Variants in GIGYF2 observed in about 807,000 individuals in gnomAD.
GIGYF2 encodes the protein GRB10 interacting GYF protein 2.
A neutral mutation model predicts 208.1 loss-of-function variants in GIGYF2; 25 were observed. The observed-to-expected ratio is 0.12, with a 90% CI of 0.09 to 0.17. The LOEUF (loss-of-function observed/expected upper bound fraction) is 0.17. GIGYF2 is among the 10% of genes least tolerant of loss of function. The probability of loss-of-function intolerance (pLI) is 1.00; values close to 1 mark genes in which losing one functional copy is unlikely to be tolerated. For synonymous variants in GIGYF2, 534 were observed against 543.8 expected (o/e 0.98, Z 0.25); for missense variants, 1,302 against 1,579.4 (o/e 0.82, Z 2.98).
At chr2:232,811,935 G>A (rs750471697) in intron 17 of GIGYF2, among the ~76,000 whole-genome samples, 5 of 152,132 alleles carry the variant, frequency 3.3e-5, no homozygotes, top group Non-Finnish European at 7.4e-5. Flanking sequence ...TAGGTGGTAG[G>A]AGCTCCATTT....
intron 14 of GIGYF2, among the ~76,000 whole-genome samples, chr2:232,800,136 G>A (rs1222588202): frequency 6.6e-6 from 1 of 150,424 alleles, no homozygotes; most frequent in East Asian, 1.9e-4. Flanking sequence ...TTTTCAAGAA[G>A]TCCAATTTGT....
In GIGYF2 at chr2:232,803,832, C is replaced by T. The variant is rs1469869773; in HGVS notation, c.1640-2659C>T. On this transcript the variant is annotated intron_variant, in intron 14 of 28. Coordinates refer to ENST00000373563, the MANE Select transcript of GIGYF2 (RefSeq NM_001103146.3). ...CCTCCCGAGTAGCTGGGACTACAGG[C>T]GCCCGCCACCGCGCCCGGCTAATTT... Among the ~76,000 whole-genome samples, 2 of 65,636 alleles carry T rather than the reference C, an allele frequency of 3.0e-5. 1 individual carries two copies. The highest frequency in any genetic ancestry group is 2.7e-4 in the Admixed American group (2 of 7,296). The allele number at this position is 65,636 out of a possible 152,430, so 43.1% of individuals were successfully genotyped here.
rs779274167 is a variant in GIGYF2 at position 232,812,529 on chromosome 2, A to T, written c.2107+38A>T. On this transcript the variant is annotated intron_variant, in intron 18 of 28. Coordinates refer to ENST00000373563, the MANE Select transcript of GIGYF2 (RefSeq NM_001103146.3). ...ATTAACCTTTAGTACCACTCTGAGG[A>T]TTCAGAGTCTAATAATAATTTTACA... 3 of 791,766 alleles carry T rather than the reference A, an allele frequency of 3.8e-6. No individual in the cohort carries two copies. The African/African-American group carries it at 5.1e-5, about 13-fold the overall frequency. The allele number at this position is 791,766 out of a possible 1,614,324, so 49.0% of individuals were successfully genotyped here. A position where few individuals can be genotyped will look rare whatever the true frequency, so the allele number is the denominator to read the frequency against.
chr2:232,703,190 C>G (rs531917756), intron 1 of GIGYF2, among the ~76,000 whole-genome samples: 2 of 152,292 alleles, frequency 1.3e-5, no homozygotes, highest in Non-Finnish European at 2.9e-5. Flanking sequence ...TTGACAGCTT[C>G]ATAAGAATCA....
chr2:232,771,790 T>TA (rs1273734362), intron 8 of GIGYF2, among the ~76,000 whole-genome samples: 1 of 152,180 alleles, frequency 6.6e-6, no homozygotes, highest in Non-Finnish European at 1.5e-5. Context: ...TATTCATAAT[T>TA]AAAAGGGGTA....
At position 232,768,410 on chromosome 2, in the gene GIGYF2, G is replaced by A. The variant is rs1231316689; in HGVS notation, c.532+6974G>A. 8 of 1,614,062 alleles carry A rather than the reference G, an allele frequency of 5.0e-6. No homozygotes were observed. In the East Asian group the frequency reaches 1.8e-4, roughly 36 times the overall value. On this transcript the variant is annotated intron_variant, in intron 8 of 28. Coordinates refer to ENST00000373563, the MANE Select transcript of GIGYF2 (RefSeq NM_001103146.3). ...GATGTAACATGATTTCAGACGGTAG[G>A]TAGGATGTCCTCCTTTGGCATATTT...
chr2:232,834,153 C>G (rs986127543), intron 22 of GIGYF2, among the ~76,000 whole-genome samples: 2 of 152,114 alleles, frequency 1.3e-5, no homozygotes, highest in Non-Finnish European at 2.9e-5. Context: ...TTCTGCATAA[C>G]TTCATGCTGG....
Position 232,762,143 on chromosome 2 carries a change from T to C in GIGYF2, c.532+707T>C, listed in dbSNP as rs1335674903. On this transcript the variant is annotated intron_variant, in intron 8 of 28. Transcript: ENST00000373563. ...TTCATGGTACCATGAATTGGTACTA[T>C]GAAAATTATTACAAGTTCCAAGTCC... Among the ~76,000 whole-genome samples the C allele has an allele frequency of 2.0e-5, 3 of 151,362 alleles. No individual in the cohort carries two copies. The East Asian group carries it at 5.8e-4, about 29-fold the overall frequency.
intron 8 of GIGYF2, among the ~76,000 whole-genome samples, chr2:232,774,858 A>T (rs1045282519): frequency 2.6e-5 from 4 of 152,200 alleles, no homozygotes; most frequent in African/African-American, 9.6e-5. Context: ...CCTTACTTAG[A>T]GCCTTTCTGT....
intron 21 of GIGYF2, among the ~76,000 whole-genome samples, chr2:232,826,990 A>G (rs1317256469): frequency 6.6e-6 from 1 of 152,210 alleles, no homozygotes; most frequent in African/African-American, 2.4e-5. Flanking sequence ...TTTAAGCAAC[A>G]GATTTTCAAT....
intron 3 of GIGYF2, among the ~76,000 whole-genome samples, chr2:232,743,750 C>T (rs1282895108): frequency 6.6e-6 from 1 of 152,254 alleles, no homozygotes; most frequent in African/African-American, 2.4e-5. Flanking sequence ...TATCCTAACT[C>T]AGGCAACTGT....
chr2:232,720,583 A>ATT (rs1553605416), intron 2 of GIGYF2, among the ~76,000 whole-genome samples: 53 of 144,986 alleles, frequency 3.7e-4, no homozygotes, highest in East Asian at 3.5e-3. Context: ...ATATATATAT[A>ATT]TTTTTGTTTG....
Position 232,859,054 on chromosome 2 carries a change from G to GC in GIGYF2, c.*2195dup, listed in dbSNP as rs1305281767. On this transcript the variant is annotated 3_prime_UTR_variant, in exon 29 of 29. Transcript: ENST00000373563. Reference sequence around the variant, plus strand: ...CATTTTGGTCATGGAACATCCATTTGCTTAACCAAGGAGACTTGCTTCTAT... The same window carrying GC: ...CATTTTGGTCATGGAACATCCATTTGCCTTAACCAAGGAGACTTGCTTCTAT... The GC allele has an allele frequency of 6.6e-6, 1 of 152,604 alleles. No homozygotes were observed. Among genetic ancestry groups the GC allele is most frequent in the Admixed American group, 6.5e-5 (1 of 15,318 alleles). The allele number at this position is 152,604 out of a possible 1,614,324, so 9.5% of individuals were successfully genotyped here.
At chr2:232,724,842 G>A (rs956538478) in intron 2 of GIGYF2, among the ~76,000 whole-genome samples, 2 of 151,976 alleles carry the variant, frequency 1.3e-5, no homozygotes, top group African/African-American at 2.4e-5. Flanking sequence ...CGTGAGCCAC[G>A]GCACCTGGCC....
At chr2:232,797,395 C>T (rs1276420710) in intron 14 of GIGYF2, among the ~76,000 whole-genome samples, 2 of 152,054 alleles carry the variant, frequency 1.3e-5, no homozygotes, top group Non-Finnish European at 2.9e-5. Context: ...AATCCCCTTA[C>T]CCTGCCTATT....
At chr2:232,706,962 A>C (rs1696145351) in intron 2 of GIGYF2, among the ~76,000 whole-genome samples, 1 of 151,586 alleles carries the variant, frequency 6.6e-6, no homozygotes, top group African/African-American at 2.4e-5. Context: ...AAAAAAAAAA[A>C]AAAATTTTTT....
intron 22 of GIGYF2, among the ~76,000 whole-genome samples, chr2:232,834,785 GTTTC>G (rs970755297): frequency 6.6e-6 from 1 of 151,276 alleles, no homozygotes; most frequent in Non-Finnish European, 1.5e-5. Context: ...CTATCTTTAA[GTTTC>G]TTTCTTTTGC....
At chr2:232,772,921 T>C (rs1192713089) in intron 8 of GIGYF2, among the ~76,000 whole-genome samples, 2 of 152,152 alleles carry the variant, frequency 1.3e-5, no homozygotes, top group African/African-American at 4.8e-5. Context: ...GTTGTTGGAA[T>C]TGGATATTGG....
At chr2:232,817,573 C>T (rs1700952786) in intron 20 of GIGYF2, among the ~76,000 whole-genome samples, 1 of 152,196 alleles carries the variant, frequency 6.6e-6, no homozygotes. Context: ...TAGTAACCAC[C>T]ATTCTTCTTT....
Sources: gnomAD v4.1 joint callset for allele counts (sites outside exome capture counted in the v4.1 genomes callset) on GRCh38, gnomAD v4.1.1 for gene constraint, MANE v1.5 for transcripts, NCBI Gene and HGNC (gene_info 2026-07-23, HGNC 2026-07-21) for gene names.